Variants in NRG1 observed in about 807,000 individuals in gnomAD.
NRG1 encodes pro-neuregulin-1, membrane-bound isoform.
NRG1 carries 18 observed loss-of-function variants against 63.8 expected under a neutral mutation model. The observed-to-expected ratio is 0.28, with a 90% confidence interval of 0.19 to 0.42. The LOEUF (loss-of-function observed/expected upper bound fraction) is 0.42. NRG1 is among the 10% of genes least tolerant of loss of function. NRG1 has a pLI of 1.00. For missense variants in NRG1, 762 were observed against 814.7 expected, an observed-to-expected ratio of 0.94 and a Z score of 0.79; for synonymous variants, 302 against 301.3, an observed-to-expected ratio of 1.00 and a Z score of -0.02.
intron 1 of NRG1, among the ~76,000 whole-genome samples, chr8:31,941,805 AT>A (rs1331392449): frequency 6.6e-6 from 1 of 152,162 alleles, no homozygotes; most frequent in African/African-American, 2.4e-5. Flanking sequence ...CAGCAAAAAA[AT>A]AAAATACATA....
chr8:31,989,058 A>G (rs889670659), intron 1 of NRG1, among the ~76,000 whole-genome samples: 2 of 151,616 alleles, frequency 1.3e-5, no homozygotes, highest in Non-Finnish European at 2.9e-5. Flanking sequence ...AGACCAGCCT[A>G]TCCAACATGG....
chr8:32,176,794 G>T (rs1429515987), intron 1 of NRG1, among the ~76,000 whole-genome samples: 1 of 152,142 alleles, frequency 6.6e-6, no homozygotes, highest in South Asian at 2.1e-4. Context: ...TCTCACACCA[G>T]TTAGAATGGC....
rs756489856 is a variant in NRG1 at position 32,463,874 on chromosome 8, C to CTT, written c.38-131916_38-131915dup. 7.3e-4 allele frequency among the ~76,000 whole-genome samples: 31 copies of CTT among 42,356 alleles called. 5 individuals are homozygous for CTT. The highest frequency in any genetic ancestry group is 8.0e-4 in the Non-Finnish European group (19 of 23,798). 27.8% of individuals were successfully genotyped at this position (42,356 alleles called of 152,430 possible). A position where few individuals can be genotyped will look rare whatever the true frequency, so the allele number is the denominator to read the frequency against. ...ACACACACGAAAAAAACTTAGAATT[C>CTT]TTTTTTTTTTTTTTTTTTTTTTTTT... is the stretch of plus-strand genomic sequence containing the variant. On this transcript the variant is annotated intron_variant, in intron 1 of 10. Coordinates refer to the NRG1 transcript ENST00000519301.
At chr8:32,256,251 TGGA>T (rs943082665) in intron 1 of NRG1, among the ~76,000 whole-genome samples, 3 of 152,176 alleles carry the variant, frequency 2.0e-5, no homozygotes, top group Non-Finnish European at 4.4e-5. Flanking sequence ...TGTGATCCTT[TGGA>T]GGAGAAGAGG....
chr8:31,839,943 G>A (rs1454833417), intron 1 of NRG1, among the ~76,000 whole-genome samples: 1 of 152,054 alleles, frequency 6.6e-6, no homozygotes, highest in Non-Finnish European at 1.5e-5. Flanking sequence ...TGGTTTTCGG[G>A]AGCCACCAGA....
intron 1 of NRG1, 95 bp downstream of exon 1, chr8:32,548,921 C>T (rs1833528538): frequency 7.1e-7 from 1 of 1,410,974 alleles, no homozygotes; most frequent in South Asian, 1.4e-5. Context: ...CTCCCCCTCT[C>T]CCTCGCCCGT....
intron 1 of NRG1, among the ~76,000 whole-genome samples, chr8:32,492,635 T>A (rs867031343): frequency 4.6e-5 from 7 of 152,094 alleles, no homozygotes; most frequent in African/African-American, 1.7e-4. Flanking sequence ...ATTTCCAAGG[T>A]GAAAAGAAAG....
rs146161365 is a variant in NRG1 at position 31,694,235 on chromosome 8, C to G, written c.37+54804C>G. Among the ~76,000 whole-genome samples, 336 of 152,264 alleles carry G rather than the reference C, an allele frequency of 2.2e-3. 1 individual carries two copies. Among genetic ancestry groups the G allele is most frequent in the African/African-American group, 7.5e-3 (313 of 41,558 alleles). ...TACCTTATTTATGAATCATCTTGCTCTCTCTCTTGAAGTCTCTCTATGCTA... is the reference window on the plus strand; with the variant it reads ...TACCTTATTTATGAATCATCTTGCTGTCTCTCTTGAAGTCTCTCTATGCTA... On this transcript the variant is annotated intron_variant, in intron 1 of 10. Transcript: ENST00000519301.
chr8:31,674,351 C>A (rs1052097894), intron 1 of NRG1, among the ~76,000 whole-genome samples: 4 of 152,064 alleles, frequency 2.6e-5, no homozygotes, highest in Admixed American at 6.6e-5. Context: ...CAGTTCTACC[C>A]GCAACGTATA....
chr8:32,358,877 A>AAAATAAAT (rs981207052), intron 1 of NRG1, among the ~76,000 whole-genome samples: 2 of 152,198 alleles, frequency 1.3e-5, no homozygotes, highest in African/African-American at 4.8e-5. Flanking sequence ...TGTTTCTTAA[A>AAAATAAAT]AAATAAATAA....
intron 1 of NRG1, among the ~76,000 whole-genome samples, chr8:32,210,935 C>G (rs1441389582): frequency 6.6e-6 from 1 of 152,154 alleles, no homozygotes; most frequent in Non-Finnish European, 1.5e-5. Context: ...ATGCTAAACA[C>G]CAGTTTATTA....
At chr8:32,767,302 C>T (rs546401044) in exon 12 of NRG1, 1 of 152,112 alleles carries the variant, frequency 6.6e-6, no homozygotes, top group Non-Finnish European at 1.5e-5. Context: ...GTAACTTGCT[C>T]ACTAACTATT....
At chr8:32,740,061 A>G (rs1351095634) in intron 6 of NRG1, among the ~76,000 whole-genome samples, 1 of 152,146 alleles carries the variant, frequency 6.6e-6, no homozygotes. Context: ...TACTTCAGAA[A>G]TAATTTTGTC....
intron 1 of NRG1, among the ~76,000 whole-genome samples, chr8:32,414,303 C>G (rs1307656924): frequency 1.3e-5 from 2 of 152,166 alleles, no homozygotes; most frequent in East Asian, 3.9e-4. Flanking sequence ...TGAGTCTGTT[C>G]AGCTCGAAGC....
chr8:32,713,536 C>G (rs902398917), intron 5 of NRG1, among the ~76,000 whole-genome samples: 4 of 151,170 alleles, frequency 2.6e-5, no homozygotes, highest in Admixed American at 6.6e-5. Context: ...CCTGCCTGCT[C>G]TCTCCTTTTC....
At chr8:32,076,816 G>A (rs1826645040) in intron 1 of NRG1, among the ~76,000 whole-genome samples, 1 of 152,044 alleles carries the variant, frequency 6.6e-6, no homozygotes, top group Non-Finnish European at 1.5e-5. Context: ...GTCTATTGTT[G>A]ATTTAGAAAA....
At chr8:31,703,355 A>T (rs960758954) in intron 1 of NRG1, among the ~76,000 whole-genome samples, 1 of 152,068 alleles carries the variant, frequency 6.6e-6, no homozygotes, top group Admixed American at 6.6e-5. Context: ...TTGAAGGCCA[A>T]CAATTAAAAT....
intron 1 of NRG1, among the ~76,000 whole-genome samples, chr8:32,100,949 A>G (rs551950840): frequency 6.6e-6 from 1 of 152,324 alleles, no homozygotes; most frequent in Non-Finnish European, 1.5e-5. Flanking sequence ...ATGATTATAA[A>G]TGGCATATTT....
intron 1 of NRG1, among the ~76,000 whole-genome samples, chr8:32,169,023 C>T (rs971375228): frequency 2.0e-5 from 3 of 152,208 alleles, no homozygotes; most frequent in African/African-American, 7.2e-5. Flanking sequence ...CCTGTTGCCA[C>T]ATAATTTAAG....
Sources: allele counts gnomAD v4.1 joint callset (sites outside exome capture counted in the v4.1 genomes callset), GRCh38; gene constraint gnomAD v4.1.1; transcripts MANE v1.5; gene names NCBI Gene and HGNC (gene_info 2026-07-23, HGNC 2026-07-21).